MGAT4A: variants seen among roughly 807,000 people sequenced by gnomAD.
The protein encoded by MGAT4A is alpha-1,3-mannosyl-glycoprotein 4-beta-N-acetylglucosaminyltransferase A.
Under a neutral mutation model 74.1 loss-of-function variants are expected in MGAT4A, and 33 were observed. The observed-to-expected ratio is 0.45, with a 90% CI of 0.34 to 0.60. The LOEUF (loss-of-function observed/expected upper bound fraction) is 0.60. MGAT4A is among the 20% of genes least tolerant of loss of function. The pLI, the probability that MGAT4A is intolerant of heterozygous loss-of-function variation, is 0.02. For missense variants in MGAT4A, 479 were observed against 628.3 expected (o/e 0.76, Z 2.54); for synonymous variants, 198 against 210.4 (o/e 0.94, Z 0.51).
At position 98,625,718 on chromosome 2, in the gene MGAT4A, C is replaced by T. The variant is rs1701134531; in HGVS notation, c.1581+5G>A. On this transcript the variant is annotated splice_donor_5th_base_variant and intron_variant, in intron 15 of 15. Coordinates refer to ENST00000393487, the MANE Select transcript of MGAT4A (RefSeq NM_012214.3). Reference sequence around the variant, plus strand: ...AGTTGTTTCACTGATTTGATATATGCTTACCTCATTAAGAATGGCCCAAAC... The same window carrying T: ...AGTTGTTTCACTGATTTGATATATGTTTACCTCATTAAGAATGGCCCAAAC... 1.2e-6 allele frequency: 2 copies of T among 1,605,002 alleles called. No homozygotes were observed. Among genetic ancestry groups the T allele is most frequent in the East Asian group, 4.5e-5 (2 of 44,710 alleles).
At chr2:98,667,130 A>G (rs1053954496) in intron 4 of MGAT4A, among the ~76,000 whole-genome samples, 21 of 152,008 alleles carry the variant, frequency 1.4e-4, no homozygotes, top group Non-Finnish European at 2.2e-4. Context: ...ATAAGATGTG[A>G]CTTGCTCCTC....
At chr2:98,655,987 G>A (rs933285330) in intron 7 of MGAT4A, 2 of 220,136 alleles carry the variant, frequency 9.1e-6, no homozygotes, top group African/African-American at 2.4e-5. Flanking sequence ...CTATTCTGGT[G>A]CCTAGGACTG....
rs1701662616 is a variant in MGAT4A at position 98,656,411 on chromosome 2, G to A, written c.639C>T (p.Ser213=). The change falls in exon 7 of 16, where the codon AGC becomes AGT. Residue 213 remains serine, a synonymous_variant. Coordinates refer to ENST00000393487, the MANE Select transcript of MGAT4A (RefSeq NM_012214.3). ...GLVEVISPPE[S]YYPDLTNLKE... Reference sequence around the variant, plus strand: ...TTAGGTTTGTCAAGTCAGGATAATAGCTTTCAGGGGGTGATATGACTTCCA... The same window carrying A: ...TTAGGTTTGTCAAGTCAGGATAATAACTTTCAGGGGGTGATATGACTTCCA... 1.9e-6 allele frequency: 3 copies of A among 1,612,788 alleles called. No individual in the cohort carries two copies. Among genetic ancestry groups the A allele is most frequent in the Non-Finnish European group, 2.5e-6 (3 of 1,179,348 alleles).
intron 14 of MGAT4A, among the ~76,000 whole-genome samples, chr2:98,634,194 C>G (rs1428991597): frequency 6.6e-6 from 1 of 152,192 alleles, no homozygotes; most frequent in Non-Finnish European, 1.5e-5. Flanking sequence ...CACGGCCCCT[C>G]CCTCTCCAGG....
intron 2 of MGAT4A, among the ~76,000 whole-genome samples, chr2:98,709,624 T>C (rs1304442449): frequency 6.6e-6 from 1 of 151,852 alleles, no homozygotes; most frequent in Non-Finnish European, 1.5e-5. Context: ...AGTTCAGGAG[T>C]ATGAGATTTC....
At chr2:98,637,226 G>A (rs1255724247) in intron 12 of MGAT4A, among the ~76,000 whole-genome samples, 1 of 152,078 alleles carries the variant, frequency 6.6e-6, no homozygotes, top group African/African-American at 2.4e-5. Context: ...TGAGAGGATT[G>A]CTTGAGTTTA....
In MGAT4A at chr2:98,662,251, A is replaced by C. The variant is rs373744471; in HGVS notation, c.537+795T>G. 6.6e-5 allele frequency among the ~76,000 whole-genome samples: 10 copies of C among 152,342 alleles called. No individual in the cohort carries two copies. The East Asian group carries it at 1.5e-3, about 23-fold the overall frequency. ...CTGAGTGAAGGAGATACCCTCTATA[A>C]TTTCTGCAACTTTCTGTAAATCTAA... On this transcript the variant is annotated intron_variant, in intron 5 of 15. Coordinates refer to ENST00000393487, the MANE Select transcript of MGAT4A (RefSeq NM_012214.3).
chr2:98,713,308 T>C (rs1702544557), intron 2 of MGAT4A, among the ~76,000 whole-genome samples: 2 of 151,988 alleles, frequency 1.3e-5, no homozygotes, highest in Admixed American at 1.3e-4. Flanking sequence ...AAATAAGTTA[T>C]TTAAATCTAA....
chr2:98,696,011 A>G (rs1039765425), intron 2 of MGAT4A, among the ~76,000 whole-genome samples: 7 of 151,386 alleles, frequency 4.6e-5, no homozygotes, highest in Non-Finnish European at 7.4e-5. Context: ...CCTCCCAAGT[A>G]GCTGGGATTA....
rs1293333153 is a variant in MGAT4A, at chr2:98,624,531, A to T, written c.*1035T>A. 4.1e-6 allele frequency: 4 copies of T among 975,418 alleles called. No homozygotes were observed. Among genetic ancestry groups the T allele is most frequent in the Non-Finnish European group, 3.7e-6 (3 of 820,916 alleles). The allele number at this position is 975,418 out of a possible 1,614,324, so 60.4% of individuals were successfully genotyped here. A position where few individuals can be genotyped will look rare whatever the true frequency, so the allele number is the denominator to read the frequency against. Reference sequence around the variant, plus strand: ...TATTTCACCAAAAAACAATATTACAATTTTCTTTAAAATTATACCAATTAT... The same window carrying T: ...TATTTCACCAAAAAACAATATTACATTTTTCTTTAAAATTATACCAATTAT... On this transcript the variant is annotated 3_prime_UTR_variant, in exon 16 of 16. Coordinates refer to ENST00000393487, the MANE Select transcript of MGAT4A (RefSeq NM_012214.3).
chr2:98,631,758 T>G (rs1463180743), intron 14 of MGAT4A, among the ~76,000 whole-genome samples: 1 of 152,164 alleles, frequency 6.6e-6, no homozygotes, highest in African/African-American at 2.4e-5. Flanking sequence ...CCACGTGTGA[T>G]CCAATTCATC....
Position 98,621,646 on chromosome 2 carries a change from G to T in MGAT4A, c.*3920C>A. The T allele has an allele frequency of 6.9e-7, 1 of 1,446,766 alleles. No homozygotes were observed. Among genetic ancestry groups the T allele is most frequent in the East Asian group, 2.6e-5 (1 of 39,014 alleles). The allele number at this position is 1,446,766 out of a possible 1,614,324, so 89.6% of individuals were successfully genotyped here. Reference sequence around the variant, plus strand: ...ATTATACAAGGTCATTGGTGGGGGTGTCAGTAGGGGTCATTCTTAGAAATT... The same window carrying T: ...ATTATACAAGGTCATTGGTGGGGGTTTCAGTAGGGGTCATTCTTAGAAATT... On this transcript the variant is annotated 3_prime_UTR_variant, in exon 16 of 16. Transcript: ENST00000393487.
chr2:98,626,181 GTACCA>G (rs1484297289), intron 14 of MGAT4A, among the ~76,000 whole-genome samples: 1 of 152,106 alleles, frequency 6.6e-6, no homozygotes, highest in African/African-American at 2.4e-5. Flanking sequence ...AATATAATCT[GTACCA>G]TCACGCAGTC....
Position 98,621,355 on chromosome 2 carries a change from C to A in MGAT4A, c.*4211G>T. ...GTGGCTGTAGGACTGCAGTTCCCAG[C>A]TCCTTTGCTGTTAGCCAAGGCCTCT... On this transcript the variant is annotated 3_prime_UTR_variant, in exon 16 of 16. Coordinates refer to ENST00000393487, the MANE Select transcript of MGAT4A (RefSeq NM_012214.3). The A allele has an allele frequency of 6.6e-7, 1 of 1,523,810 alleles. No individual in the cohort carries two copies. Among genetic ancestry groups the A allele is most frequent in the South Asian group, 1.2e-5 (1 of 80,618 alleles). 94.4% of individuals were successfully genotyped at this position (1,523,810 alleles called of 1,614,324 possible). A position where few individuals can be genotyped will look rare whatever the true frequency, so the allele number is the denominator to read the frequency against.
At chr2:98,685,756 A>G (rs1203998923) in intron 2 of MGAT4A, among the ~76,000 whole-genome samples, 1 of 152,200 alleles carries the variant, frequency 6.6e-6, no homozygotes, top group Non-Finnish European at 1.5e-5. Context: ...AGGGCTCATT[A>G]AAACACAGAA....
chr2:98,714,119 G>A (rs187269005), intron 2 of MGAT4A, among the ~76,000 whole-genome samples: 7 of 151,998 alleles, frequency 4.6e-5, no homozygotes, highest in Admixed American at 4.6e-4. Context: ...ACGGAGTCTC[G>A]CTCTGTCACC....
At chr2:98,631,261 T>C (rs1177714219) in intron 14 of MGAT4A, among the ~76,000 whole-genome samples, 1 of 152,224 alleles carries the variant, frequency 6.6e-6, no homozygotes, top group African/African-American at 2.4e-5. Flanking sequence ...CACGCGTAAG[T>C]TGCTACCCAG....
Position 98,720,814 on chromosome 2 carries a change from T to C in MGAT4A, c.94+5425A>G, listed in dbSNP as rs536114162. On this transcript the variant is annotated intron_variant, in intron 2 of 15. Transcript: ENST00000393487. ...GCCTCAGAGAAAGGTGGAACACCAA[T>C]AAGCACACCACCACATGTGTAATGG... Among the ~76,000 whole-genome samples the C allele has an allele frequency of 1.3e-3, 200 of 152,036 alleles. 1 individual carries two copies. Among genetic ancestry groups the C allele is most frequent in the African/African-American group, 4.4e-3 (182 of 41,456 alleles).
chr2:98,669,076 C>T (rs1196816030), intron 4 of MGAT4A, among the ~76,000 whole-genome samples: 2 of 152,128 alleles, frequency 1.3e-5, no homozygotes, highest in Non-Finnish European at 2.9e-5. Flanking sequence ...TGAGTTAATG[C>T]TGAAAAGAGT....
Sources: gnomAD v4.1 joint callset for allele counts (sites outside exome capture counted in the v4.1 genomes callset) on GRCh38, gnomAD v4.1.1 for gene constraint, MANE v1.5 for transcripts, NCBI Gene and HGNC (gene_info 2026-07-23, HGNC 2026-07-21) for gene names.